The following UST variants were observed in gnomAD, a reference collection of about 807,000 sequenced individuals.
The protein encoded by UST is chondroitin sulfate 2-O-sulfotransferase.
In UST, 21 loss-of-function variants were observed where a neutral mutation model predicts 45.6. The observed-to-expected ratio is 0.46, with a 90% CI of 0.33 to 0.66. The LOEUF (loss-of-function observed/expected upper bound fraction) is 0.66. Among genes scored for constraint, UST ranks in the 30% least tolerant of loss-of-function variants. The pLI is 0.02. For synonymous variants in UST, 215 were observed against 200.6 expected, an observed-to-expected ratio of 1.07 and a Z score of -0.61; for missense variants, 463 against 512.4, an observed-to-expected ratio of 0.90 and a Z score of 0.93.
At chr6:148,975,276 T>C (rs1405869349) in intron 5 of UST, among the ~76,000 whole-genome samples, 2 of 152,246 alleles carry the variant, frequency 1.3e-5, no homozygotes, top group African/African-American at 4.8e-5. Context: ...AAGTCTTATG[T>C]TTTGAACTAA....
chr6:148,788,794 A>G (rs1317979365), intron 1 of UST, among the ~76,000 whole-genome samples: 1 of 152,246 alleles, frequency 6.6e-6, no homozygotes, highest in Admixed American at 6.5e-5. Flanking sequence ...TTCAGTAACG[A>G]TCTCATCAAC....
intron 1 of UST, among the ~76,000 whole-genome samples, chr6:148,817,716 C>T (rs187165165): frequency 2.6e-5 from 4 of 152,254 alleles, no homozygotes; most frequent in Admixed American, 6.5e-5. Context: ...TCAGGTAGTA[C>T]GCTTCAGAGA....
At chr6:149,041,263 T>C (rs556514486) in intron 7 of UST, among the ~76,000 whole-genome samples, 3 of 152,210 alleles carry the variant, frequency 2.0e-5, no homozygotes, top group Non-Finnish European at 4.4e-5. Context: ...CTGCCTGTGA[T>C]CCACTCCAGG....
At chr6:148,792,151 A>G (rs1241247731) in intron 1 of UST, among the ~76,000 whole-genome samples, 2 of 152,164 alleles carry the variant, frequency 1.3e-5, no homozygotes, top group Non-Finnish European at 2.9e-5. Flanking sequence ...AATCTTATGG[A>G]ATTTCAGGAT....
At chr6:148,941,189 A>C in intron 2 of UST, 90 bp from the exon 3 acceptor site, 1 of 1,485,314 alleles carries the variant, frequency 6.7e-7, no homozygotes, top group Non-Finnish European at 9.3e-7. Flanking sequence ...GATTTATTAT[A>C]TGAAACAGTT....
intron 1 of UST, among the ~76,000 whole-genome samples, chr6:148,825,789 T>C (rs558673642): frequency 6.6e-6 from 1 of 152,098 alleles, no homozygotes; most frequent in Non-Finnish European, 1.5e-5. Context: ...TGTTTTCCCA[T>C]GGTGGGGGGA....
At position 148,777,630 on chromosome 6, in the gene UST, C is replaced by T. The variant is rs560304359; in HGVS notation, c.247+29953C>T. On this transcript the variant is annotated intron_variant, in intron 1 of 7. Coordinates refer to ENST00000367463, the MANE Select transcript of UST (RefSeq NM_005715.3). ...CACAATCTCAGCTCACTGCAACCTACGCATCCCGGGTTCCAGTGACTCTCC... is the reference window on the plus strand; with the variant it reads ...CACAATCTCAGCTCACTGCAACCTATGCATCCCGGGTTCCAGTGACTCTCC... Among the ~76,000 whole-genome samples, 596 of 152,310 alleles carry T rather than the reference C, an allele frequency of 3.9e-3. 4 individuals are homozygous for T. Among genetic ancestry groups the T allele is most frequent in the Middle Eastern group, 6.8e-3 (2 of 294 alleles).
chr6:149,051,381 C>T (rs763446465), intron 7 of UST, among the ~76,000 whole-genome samples: 1 of 152,168 alleles, frequency 6.6e-6, no homozygotes, highest in Non-Finnish European at 1.5e-5. Flanking sequence ...ACCCCATGGG[C>T]GCCTCTGCCA....
At chr6:148,819,569 G>A (rs1033151644) in intron 1 of UST, among the ~76,000 whole-genome samples, 6 of 152,138 alleles carry the variant, frequency 3.9e-5, no homozygotes, top group African/African-American at 1.4e-4. Context: ...CTGATGAAAG[G>A]GTATCCAGGT....
chr6:149,049,927 TCTCTCA>T (rs1034784214), intron 7 of UST, among the ~76,000 whole-genome samples: 13 of 130,618 alleles, frequency 1.0e-4, no homozygotes, highest in African/African-American at 3.7e-4. Flanking sequence ...TCTCTCTCTC[TCTCTCA>T]CACACACACA....
At chr6:149,056,335 T>C (rs904872811) in intron 7 of UST, among the ~76,000 whole-genome samples, 3 of 152,100 alleles carry the variant, frequency 2.0e-5, no homozygotes, top group Admixed American at 6.6e-5. Flanking sequence ...CTCAAATTCC[T>C]GACCTCAAGT....
At chr6:148,919,442 G>A (rs1265683196) in intron 2 of UST, among the ~76,000 whole-genome samples, 1 of 149,442 alleles carries the variant, frequency 6.7e-6, no homozygotes, top group Non-Finnish European at 1.5e-5. Flanking sequence ...GTGTGTGTGT[G>A]TGTACACTTC....
At chr6:148,931,704 G>C (rs1214703353) in intron 2 of UST, among the ~76,000 whole-genome samples, 1 of 152,158 alleles carries the variant, frequency 6.6e-6, no homozygotes, top group Admixed American at 6.5e-5. Flanking sequence ...TAATGTTTTT[G>C]AGCACAACAA....
At position 149,005,335 on chromosome 6, in the gene UST, C is replaced by A. The variant is rs1781626103; in HGVS notation, c.682-13804C>A. 4.1e-6 allele frequency: 4 copies of A among 985,226 alleles called. No individual in the cohort carries two copies. The African/African-American group carries it at 5.2e-5, about 13-fold the overall frequency. 61.0% of individuals were successfully genotyped at this position (985,226 alleles called of 1,614,324 possible). A position where few individuals can be genotyped will look rare whatever the true frequency, so the allele number is the denominator to read the frequency against. On this transcript the variant is annotated intron_variant, in intron 5 of 7. Coordinates refer to ENST00000367463, the MANE Select transcript of UST (RefSeq NM_005715.3). ...CATAGAATTGGAGAGGGTTGAGCGG[C>A]CCTGGCTGTAGAGGAAAGAAGACTC...
In UST at chr6:148,747,684, A is replaced by C. The variant is rs746894349; in HGVS notation, c.247+7A>C. The C allele has an allele frequency of 6.3e-7, 1 of 1,591,054 alleles. No individual in the cohort carries two copies. Among genetic ancestry groups the C allele is most frequent in the Admixed American group, 1.7e-5 (1 of 57,544 alleles). ...GACCTGCGGCAGTACTTGGGTAAGGAAGCTGGGCAGGCGCTAGGGCGGCGC... is the reference window on the plus strand; with the variant it reads ...GACCTGCGGCAGTACTTGGGTAAGGCAGCTGGGCAGGCGCTAGGGCGGCGC... On this transcript the variant is annotated splice_region_variant and intron_variant, in intron 1 of 7. Transcript: ENST00000367463.
At chr6:148,940,167 G>A (rs1465770776) in intron 2 of UST, among the ~76,000 whole-genome samples, 2 of 151,998 alleles carry the variant, frequency 1.3e-5, no homozygotes, top group African/African-American at 2.4e-5. Context: ...TCACAGCAAC[G>A]AGGATGGGTA....
At chr6:149,031,265 G>A (rs1240307108) in intron 7 of UST, among the ~76,000 whole-genome samples, 2 of 151,384 alleles carry the variant, frequency 1.3e-5, no homozygotes, top group Non-Finnish European at 2.9e-5. Flanking sequence ...TGTAGCTACT[G>A]GGCAAATAGT....
chr6:149,003,236 A>C (rs756089810), intron 5 of UST, among the ~76,000 whole-genome samples: 1 of 152,256 alleles, frequency 6.6e-6, no homozygotes, highest in Admixed American at 6.5e-5. Context: ...ACTTAAAGTT[A>C]GAATCCCAAA....
chr6:148,872,273 C>T (rs1211392468), intron 1 of UST, among the ~76,000 whole-genome samples: 1 of 152,124 alleles, frequency 6.6e-6, no homozygotes, highest in Non-Finnish European at 1.5e-5. Flanking sequence ...TTTGATGGTA[C>T]ACTGAAGTAA....
Sources: gnomAD v4.1 joint callset for allele counts (sites outside exome capture counted in the v4.1 genomes callset) on GRCh38, gnomAD v4.1.1 for gene constraint, MANE v1.5 for transcripts, NCBI Gene and HGNC (gene_info 2026-07-23, HGNC 2026-07-21) for gene names.